CD96: variants seen among roughly 807,000 people sequenced by gnomAD.
CD96 encodes the protein CD96 molecule.
In CD96, 70 loss-of-function variants were observed where a neutral mutation model predicts 71.3. That is an observed-to-expected ratio of 0.98 (90% confidence interval 0.81 to 1.20). The LOEUF is 1.20. Ranked by LOEUF, CD96 falls within the 50% of genes most tolerant of loss-of-function variation. The pLI is 0.00. For synonymous variants in CD96, 248 were observed against 233.0 expected, an observed-to-expected ratio of 1.06 and a Z score of -0.59; for missense variants, 742 against 677.5, an observed-to-expected ratio of 1.10 and a Z score of -1.06.
At chr3:111,655,452 C>T (rs952822374), downstream of CD96, among the ~76,000 whole-genome samples, 5 of 151,774 alleles carry the variant, frequency 3.3e-5, no homozygotes, top group African/African-American at 7.3e-5. Context: ...TTAAGTTATG[C>T]GCAAAGAAGA....
At position 111,562,410 on chromosome 3, in the gene CD96, AAT is replaced by A. The variant is rs749646140; in HGVS notation, c.419-5102_419-5101del. Among the ~76,000 whole-genome samples, 55 of 151,936 alleles carry A rather than the reference AAT, an allele frequency of 3.6e-4. No individual in the cohort carries two copies. In the East Asian group the frequency reaches 9.6e-3, roughly 27 times the overall value. On this transcript the variant is annotated intron_variant, in intron 2 of 13. Coordinates refer to ENST00000352690, the MANE Select transcript of CD96 (RefSeq NM_005816.5). ...ATATATATTTATAGACAGACTATAG[AAT>A]ATATATATATGTTGCAACTCTATAT...
intron 12 of CD96, among the ~76,000 whole-genome samples, chr3:111,639,412 C>T (rs912169735): frequency 1.3e-5 from 2 of 152,160 alleles, no homozygotes; most frequent in African/African-American, 4.8e-5. Flanking sequence ...TCATAATTCT[C>T]CTAGGTGCAC....
At chr3:111,620,282 A>G (rs143202323) in intron 8 of CD96, among the ~76,000 whole-genome samples, 1 of 152,362 alleles carries the variant, frequency 6.6e-6, no homozygotes, top group African/African-American at 2.4e-5. Flanking sequence ...GGAGAGCAGT[A>G]TTCCCAGTGC....
chr3:111,624,848 G>A lies in CD96; in HGVS notation c.1321+444G>A, dbSNP rs1298038415. Among the ~76,000 whole-genome samples the A allele has an allele frequency of 2.6e-5, 4 of 152,232 alleles. No individual in the cohort carries two copies. In the East Asian group the frequency reaches 7.7e-4, roughly 29 times the overall value. On this transcript the variant is annotated intron_variant, in intron 10 of 13. Transcript: ENST00000352690. Reference sequence around the variant, plus strand: ...TAAAAATGAAAAGAGAGAGACCAACGTGAGTCCAGAAATTGTTTCATTCTT... The same window carrying A: ...TAAAAATGAAAAGAGAGAGACCAACATGAGTCCAGAAATTGTTTCATTCTT...
chr3:111,579,605 G>A, intron 4 of CD96: 1 of 317,782 alleles, frequency 3.1e-6, no homozygotes, highest in Non-Finnish European at 6.2e-6. Context: ...TCTTGCGGAT[G>A]GGGACTCTCT....
At chr3:111,578,922 T>A (rs948542919) in intron 3 of CD96, 105 bp from the exon 4 acceptor site, 1 of 745,674 alleles carries the variant, frequency 1.3e-6, no homozygotes, top group Non-Finnish European at 2.5e-6. Context: ...CCTTCATTCT[T>A]CCTCTCTACT....
At chr3:111,616,660 C>T (rs947568132) in intron 8 of CD96, among the ~76,000 whole-genome samples, 2 of 152,168 alleles carry the variant, frequency 1.3e-5, no homozygotes, top group Non-Finnish European at 2.9e-5. Flanking sequence ...GTCTCTGCCA[C>T]CTACTGGCTC....
chr3:111,661,300 A>G (rs1940348281), intron 14 of CD96, among the ~76,000 whole-genome samples: 1 of 152,212 alleles, frequency 6.6e-6, no homozygotes, highest in African/African-American at 2.4e-5. Context: ...ACAATTCAAC[A>G]TGAGATTTAG....
At chr3:111,549,853 G>T (rs1934607080) in intron 2 of CD96, among the ~76,000 whole-genome samples, 2 of 152,210 alleles carry the variant, frequency 1.3e-5, no homozygotes, top group South Asian at 2.1e-4. Context: ...GCATGAAGTT[G>T]TGACATACAG....
chr3:111,567,601 A>G lies in CD96; in HGVS notation c.497A>G (p.Asn166Ser). ...ACTCTGGAAATACCATGCTTTCAAA[A>G]TAGCTCCTCAAAAATTTCATCTGAG... ...NQTLEIPCFQNSSSKISSEFT... is the reference protein window; with the variant it reads ...NQTLEIPCFQSSSSKISSEFT... Residue 166 changes from asparagine (N) to serine (S), a missense_variant, in exon 3 of 14, where the codon AAT becomes AGT. Coordinates refer to ENST00000352690, the MANE Select transcript of CD96 (RefSeq NM_005816.5). 6.2e-7 allele frequency: 1 copy of G among 1,612,742 alleles called. No homozygotes were observed.
intron 14 of CD96, among the ~76,000 whole-genome samples, chr3:111,661,934 C>T (rs147550548): frequency 2.8e-3 from 422 of 152,358 alleles, no homozygotes; most frequent in Non-Finnish European, 4.8e-3. Flanking sequence ...TCCAAGCTCA[C>T]ATTTCCCCTT....
intron 3 of CD96, among the ~76,000 whole-genome samples, chr3:111,570,321 G>A (rs1935918093): frequency 6.6e-6 from 1 of 152,052 alleles, no homozygotes; most frequent in Non-Finnish European, 1.5e-5. Context: ...TGGGGGAGTC[G>A]AGGCATTGGG....
intron 10 of CD96, among the ~76,000 whole-genome samples, chr3:111,635,372 T>C (rs922984309): frequency 6.6e-6 from 1 of 152,222 alleles, no homozygotes; most frequent in African/African-American, 2.4e-5. Context: ...ACTCCCTACT[T>C]TTCCAAAGTG....
intron 3 of CD96, among the ~76,000 whole-genome samples, chr3:111,573,682 A>G (rs965602866): frequency 6.6e-6 from 1 of 152,246 alleles, no homozygotes; most frequent in African/African-American, 2.4e-5. Context: ...ACAATTCAAT[A>G]TTAGTGACAA....
chr3:111,662,342 A>G (rs1218945299), intron 14 of CD96, among the ~76,000 whole-genome samples: 4 of 152,182 alleles, frequency 2.6e-5, no homozygotes, highest in Non-Finnish European at 2.9e-5. Context: ...CATTTTCCCC[A>G]TTGTCTTGGC....
At chr3:111,642,266 G>T (rs1448506151) in intron 12 of CD96, among the ~76,000 whole-genome samples, 1 of 152,128 alleles carries the variant, frequency 6.6e-6, no homozygotes, top group African/African-American at 2.4e-5. Flanking sequence ...ACCAAGAAAA[G>T]AAGAGAGAAA....
intron 10 of CD96, chr3:111,635,083 T>A (rs1378609341): frequency 6.5e-6 from 1 of 153,480 alleles, no homozygotes; most frequent in Non-Finnish European, 1.5e-5. Flanking sequence ...AACTCCATCT[T>A]ACAGACGATT....
chr3:111,596,252 C>T (rs1212817166), intron 5 of CD96, among the ~76,000 whole-genome samples: 2 of 150,408 alleles, frequency 1.3e-5, no homozygotes, highest in African/African-American at 4.9e-5. Context: ...TAGAGGTTGA[C>T]AGTTAAATTA....
At chr3:111,571,658 G>T (rs917227449) in intron 3 of CD96, among the ~76,000 whole-genome samples, 4 of 152,174 alleles carry the variant, frequency 2.6e-5, no homozygotes, top group African/African-American at 2.4e-5. Context: ...ACAACTTGAA[G>T]AATCTTTCTA....
Sources: allele counts gnomAD v4.1 joint callset (sites outside exome capture counted in the v4.1 genomes callset), GRCh38; gene constraint gnomAD v4.1.1; transcripts MANE v1.5; gene names NCBI Gene and HGNC (gene_info 2026-07-23, HGNC 2026-07-21).